Variants in RPA3 observed in about 807,000 individuals in gnomAD.
RPA3 encodes replication protein A 14 kDa subunit.
RPA3 carries 24 observed loss-of-function variants against 13.7 expected under a neutral mutation model. The ratio of observed to expected loss-of-function variants is 1.75; its 90% CI spans 1.27 to 2.46. RPA3 has a LOEUF of 2.46. Ranked by LOEUF, RPA3 falls within the 30% of genes most tolerant of loss-of-function variation. The pLI is 0.00. For missense variants in RPA3, 183 were observed against 151.0 expected (o/e 1.21, Z -1.11); for synonymous variants, 59 against 51.2 (o/e 1.15, Z -0.65).
At chr7:7,699,682 T>C (rs569515774) in intron 2 of RPA3, among the ~76,000 whole-genome samples, 3 of 152,226 alleles carry the variant, frequency 2.0e-5, no homozygotes, top group Non-Finnish European at 4.4e-5. Flanking sequence ...TAAAGCTATA[T>C]TGAGTGAGGG....
intron 4 of RPA3, among the ~76,000 whole-genome samples, chr7:7,643,043 TG>T (rs1259432562): frequency 1.3e-5 from 2 of 151,918 alleles, no homozygotes; most frequent in African/African-American, 2.4e-5. Context: ...TAGGCATGAG[TG>T]GGACAGTAGT....
At chr7:7,638,912 T>G in intron 6 of RPA3, 158 bp downstream of exon 6, 1 of 457,154 alleles carries the variant, frequency 2.2e-6, no homozygotes, top group Non-Finnish European at 3.9e-6. Flanking sequence ...GGAAATATAA[T>G]GAGAGAATAG....
At chr7:7,680,268 A>G (rs895557216) in intron 4 of RPA3, among the ~76,000 whole-genome samples, 3 of 152,100 alleles carry the variant, frequency 2.0e-5, no homozygotes, top group Admixed American at 1.3e-4. Context: ...ATAGATATCC[A>G]GTTTTCCCAG....
At chr7:7,639,204 T>C in intron 5 of RPA3, 60 bp from the exon 6 acceptor site, 2 of 1,261,240 alleles carry the variant, frequency 1.6e-6, no homozygotes, top group East Asian at 2.4e-5. Flanking sequence ...TGACTAAAGA[T>C]GAGTACATTG....
chr7:7,667,121 C>A (rs1487601376), intron 4 of RPA3, among the ~76,000 whole-genome samples: 3 of 152,162 alleles, frequency 2.0e-5, no homozygotes, highest in Admixed American at 6.5e-5. Context: ...CAGGTGAATT[C>A]TTTATCCCCC....
intron 2 of RPA3, among the ~76,000 whole-genome samples, chr7:7,706,222 G>A (rs779769931): frequency 7.2e-5 from 11 of 152,044 alleles, no homozygotes; most frequent in Non-Finnish European, 1.5e-4. Context: ...GAACAAAACG[G>A]ATAATCACCT....
chr7:7,657,938 C>A (rs1223183793), intron 4 of RPA3, among the ~76,000 whole-genome samples: 1 of 152,154 alleles, frequency 6.6e-6, no homozygotes, highest in Non-Finnish European at 1.5e-5. Context: ...TTCTTCCTAT[C>A]CATGAGCATG....
intron 4 of RPA3, among the ~76,000 whole-genome samples, chr7:7,677,534 A>C (rs1398820123): frequency 1.3e-5 from 2 of 152,042 alleles, no homozygotes; most frequent in African/African-American, 4.8e-5. Context: ...GCTTTATTTC[A>C]CTTTACATGA....
chr7:7,671,195 T>G (rs1779597072), intron 4 of RPA3, among the ~76,000 whole-genome samples: 1 of 152,228 alleles, frequency 6.6e-6, no homozygotes, highest in African/African-American at 2.4e-5. Context: ...CTACTTAACT[T>G]TAGTCAGCTT....
At position 7,640,702 on chromosome 7, in the gene RPA3, A is replaced by G. The variant is rs1434323808; in HGVS notation, c.-284T>C. ...GAGGCAGTGGAGGCGGGACTTGGATAGGGGCGGAACCTGAGACTACCTTTC... is the reference window on the plus strand; with the variant it reads ...GAGGCAGTGGAGGCGGGACTTGGATGGGGGCGGAACCTGAGACTACCTTTC... On this transcript the variant is annotated 5_prime_UTR_variant, in exon 5 of 8. Coordinates refer to ENST00000223129, the MANE Select transcript of RPA3 (RefSeq NM_002947.5). 9.5e-6 allele frequency: 4 copies of G among 419,566 alleles called. No homozygotes were observed. Among genetic ancestry groups the G allele is most frequent in the Non-Finnish European group, 1.7e-5 (4 of 231,418 alleles). 26.0% of individuals were successfully genotyped at this position (419,566 alleles called of 1,614,324 possible). A position where few individuals can be genotyped will look rare whatever the true frequency, so the allele number is the denominator to read the frequency against.
At chr7:7,697,965 C>T (rs1780359294) in intron 2 of RPA3, among the ~76,000 whole-genome samples, 1 of 152,208 alleles carries the variant, frequency 6.6e-6, no homozygotes, top group Non-Finnish European at 1.5e-5. Flanking sequence ...TGGGGAGTTG[C>T]CTGGATTGGA....
At chr7:7,713,905 G>A (rs967316864) in intron 2 of RPA3, among the ~76,000 whole-genome samples, 8 of 152,108 alleles carry the variant, frequency 5.3e-5, no homozygotes, top group Non-Finnish European at 1.2e-4. Context: ...ACCACAGACA[G>A]CTCACTGCAG....
chr7:7,682,127 C>T (rs1435778147), intron 4 of RPA3, among the ~76,000 whole-genome samples: 1 of 152,118 alleles, frequency 6.6e-6, no homozygotes, highest in Non-Finnish European at 1.5e-5. Flanking sequence ...GGAAATGCAT[C>T]ATGGTTTTCA....
chr7:7,665,166 C>A (rs975032614), intron 4 of RPA3, among the ~76,000 whole-genome samples: 2 of 152,058 alleles, frequency 1.3e-5, no homozygotes, highest in Non-Finnish European at 2.9e-5. Context: ...ATTGAGAAAA[C>A]CATGTTGCCT....
Position 7,637,190 on chromosome 7 carries a change from G to A in RPA3, c.284-108C>T. On this transcript the variant is annotated intron_variant, in intron 7 of 7. Transcript: ENST00000223129. ...TCCTTTTTCTCACCCTTTTGGAAGTGAGTTTCTAAAAATGGAGATATGGAT... is the reference window on the plus strand; with the variant it reads ...TCCTTTTTCTCACCCTTTTGGAAGTAAGTTTCTAAAAATGGAGATATGGAT... 5 of 821,824 alleles carry A rather than the reference G, an allele frequency of 6.1e-6. No homozygotes were observed. In the South Asian group the frequency reaches 7.8e-5, roughly 13 times the overall value. 50.9% of individuals were successfully genotyped at this position (821,824 alleles called of 1,614,324 possible).
chr7:7,655,176 G>T (rs1162293665), intron 4 of RPA3, among the ~76,000 whole-genome samples: 1 of 151,946 alleles, frequency 6.6e-6, no homozygotes, highest in Admixed American at 6.6e-5. Flanking sequence ...GATGCCTCTG[G>T]CCTGCTCTCC....
rs181323613 is a variant in RPA3 at position 7,662,034 on chromosome 7, C to G, written c.-757-20859G>C. Among the ~76,000 whole-genome samples, 1,027 of 152,298 alleles carry G rather than the reference C, an allele frequency of 6.7e-3. 8 individuals are homozygous for G. Among genetic ancestry groups the G allele is most frequent in the African/African-American group, 0.023 (967 of 41,540 alleles). ...GAGAGGAGGAATCTAGAGAGGCAGT[C>G]TGGCTACAGCGGCTTTGCTGAGCTG... On this transcript the variant is annotated intron_variant, in intron 4 of 7. Coordinates refer to ENST00000223129, the MANE Select transcript of RPA3 (RefSeq NM_002947.5).
Position 7,639,087 on chromosome 7 carries a change from T to A in RPA3, c.157A>T (p.Ile53Phe), listed in dbSNP as rs1227541476. 1.2e-6 allele frequency: 2 copies of A among 1,612,640 alleles called. No individual in the cohort carries two copies. Among genetic ancestry groups the A allele is most frequent in the Non-Finnish European group, 1.7e-6 (2 of 1,179,428 alleles). ...AAACATACGGGTTCCATCAACTCGA[T>A]GGTTCCATTTTTTCCTTCTCCATCT... ...LSDGEGKNGT[I>F]ELMEPLDEEI... The change falls in exon 6 of 8, where the codon ATC becomes TTC. Residue 53 changes from isoleucine (I) to phenylalanine (F), a missense_variant. By Grantham distance (21) the Ile-to-Phe change is conservative. Coordinates refer to ENST00000223129, the MANE Select transcript of RPA3 (RefSeq NM_002947.5).
chr7:7,640,296 G>A (rs776387868), intron 5 of RPA3, 24 bp downstream of exon 5: 1 of 1,611,382 alleles, frequency 6.2e-7, no homozygotes, highest in Admixed American at 1.7e-5. Flanking sequence ...GGACTTGGGA[G>A]CCCATGATTG....
Sources: gnomAD v4.1 joint callset for allele counts (sites outside exome capture counted in the v4.1 genomes callset) on GRCh38, gnomAD v4.1.1 for gene constraint, MANE v1.5 for transcripts, NCBI Gene and HGNC (gene_info 2026-07-23, HGNC 2026-07-21) for gene names.